BAZ1A: variants seen among roughly 807,000 people sequenced by gnomAD.
BAZ1A encodes the protein bromodomain adjacent to zinc finger domain protein 1A.
A neutral mutation model predicts 185.2 loss-of-function variants in BAZ1A; 50 were observed. The observed-to-expected ratio is 0.27, with a 90% CI of 0.22 to 0.34. BAZ1A has a LOEUF of 0.34. BAZ1A is among the 10% of genes least tolerant of loss of function. BAZ1A has a pLI of 1.00. For synonymous variants in BAZ1A, 571 were observed against 615.6 expected, an observed-to-expected ratio of 0.93 and a Z score of 1.07; for missense variants, 1,356 against 1,839.9, an observed-to-expected ratio of 0.74 and a Z score of 4.81.
rs145727016 is a variant in BAZ1A at position 34,847,309 on chromosome 14, A to T, written c.392+14735T>A. 5.5e-3 allele frequency among the ~76,000 whole-genome samples: 840 copies of T among 152,230 alleles called. 8 individuals are homozygous for T. The highest frequency in any genetic ancestry group is 0.019 in the African/African-American group (809 of 41,528). Reference sequence around the variant, plus strand: ...GAAAACAATGCTGAGATGTTGCTTAAGACTTTTTTGTCCTGGAACTAGCAA... The same window carrying T: ...GAAAACAATGCTGAGATGTTGCTTATGACTTTTTTGTCCTGGAACTAGCAA... On this transcript the variant is annotated intron_variant, in intron 3 of 26. Transcript: ENST00000360310.
At chr14:34,822,990 C>T (rs2042109758) in intron 4 of BAZ1A, among the ~76,000 whole-genome samples, 1 of 152,138 alleles carries the variant, frequency 6.6e-6, no homozygotes, top group Admixed American at 6.6e-5. Context: ...ATGCTGACCC[C>T]CAGAATCTAC....
chr14:34,856,405 T>A lies in BAZ1A; in HGVS notation c.392+5639A>T, dbSNP rs575137820. 4.8e-4 allele frequency among the ~76,000 whole-genome samples: 72 copies of A among 151,532 alleles called. 1 individual carries two copies. In the South Asian group the frequency reaches 0.014, roughly 30 times the overall value. On this transcript the variant is annotated intron_variant, in intron 3 of 26. Transcript: ENST00000360310. ...GGCTCGTGATCCTCCTGTTTCAGCC[T>A]CCTGAGTAGCTAGGACTACAGGCAC...
At chr14:34,782,841 A>G (rs986987888) in intron 16 of BAZ1A, among the ~76,000 whole-genome samples, 2 of 152,126 alleles carry the variant, frequency 1.3e-5, no homozygotes, top group Non-Finnish European at 2.9e-5. Context: ...TCCTCTCCCT[A>G]TATCATCTAC....
intron 6 of BAZ1A, among the ~76,000 whole-genome samples, chr14:34,806,001 C>G (rs926443489): frequency 5.9e-5 from 9 of 151,726 alleles, no homozygotes; most frequent in Admixed American, 1.3e-4. Context: ...TCAATCTCAT[C>G]CTTGGTATTT....
chr14:34,814,016 C>T (rs768148360), intron 4 of BAZ1A, among the ~76,000 whole-genome samples: 73 of 148,382 alleles, frequency 4.9e-4, no homozygotes, highest in Non-Finnish European at 9.2e-4. Flanking sequence ...GTACTCCAGC[C>T]TGGGCAACAG....
chr14:34,846,802 T>C (rs1427663099), intron 3 of BAZ1A, among the ~76,000 whole-genome samples: 1 of 152,148 alleles, frequency 6.6e-6, no homozygotes, highest in Non-Finnish European at 1.5e-5. Context: ...AAAAAGATAG[T>C]TCTACTCTAA....
chr14:34,874,471 C>A lies in BAZ1A; in HGVS notation c.113+21G>T. 6.2e-7 allele frequency: 1 copy of A among 1,605,684 alleles called. No homozygotes were observed. The highest frequency in any genetic ancestry group is 8.5e-7 in the Non-Finnish European group (1 of 1,173,508). ...GGAGTCCCCACACCCCCCGCGGCCC[C>A]GCACACGGCCCGGCTCTTACTCGTA... On this transcript the variant is annotated intron_variant, in intron 2 of 26. Coordinates refer to ENST00000360310, the MANE Select transcript of BAZ1A (RefSeq NM_013448.3). The surrounding 1 kb of genome is among the most constrained non-coding windows in gnomAD (Gnocchi z 4.7).
chr14:34,842,776 A>C (rs1378470264), intron 3 of BAZ1A, among the ~76,000 whole-genome samples: 1 of 152,146 alleles, frequency 6.6e-6, no homozygotes, highest in Non-Finnish European at 1.5e-5. Flanking sequence ...TGTGCTTGAA[A>C]ACATCATCAC....
intron 4 of BAZ1A, 26 bp downstream of exon 4, chr14:34,825,986 AT>A (rs2042160397): frequency 1.3e-6 from 2 of 1,505,362 alleles, no homozygotes; most frequent in Non-Finnish European, 1.8e-6. Flanking sequence ...CTGCCAAATA[AT>A]TTAAAAATTA....
chr14:34,844,981 ATTCAT>A (rs1205145306), intron 3 of BAZ1A, among the ~76,000 whole-genome samples: 1 of 152,140 alleles, frequency 6.6e-6, no homozygotes, highest in Non-Finnish European at 1.5e-5. Flanking sequence ...AGCCATATTC[ATTCAT>A]TTATCTATTA....
intron 25 of BAZ1A, 81 bp downstream of exon 25, chr14:34,758,623 G>A: frequency 7.4e-7 from 1 of 1,349,712 alleles, no homozygotes; most frequent in Admixed American, 2.1e-5. Context: ...TGAGTAACAG[G>A]TGTTTTGACT....
At chr14:34,865,397 A>C (rs1395152318) in intron 2 of BAZ1A, among the ~76,000 whole-genome samples, 1 of 152,038 alleles carries the variant, frequency 6.6e-6, no homozygotes, top group Non-Finnish European at 1.5e-5. Flanking sequence ...ATTATTCTTC[A>C]ATTTTTTCTC....
At chr14:34,862,621 A>G (rs530794536) in intron 2 of BAZ1A, among the ~76,000 whole-genome samples, 1 of 152,224 alleles carries the variant, frequency 6.6e-6, no homozygotes, top group East Asian at 1.9e-4. Flanking sequence ...AGCTAACAAG[A>G]AAAAAGCTAA....
intron 20 of BAZ1A, among the ~76,000 whole-genome samples, chr14:34,772,343 GGC>G (rs1481738703): frequency 7.9e-5 from 12 of 151,890 alleles, no homozygotes; most frequent in African/African-American, 2.9e-4. Flanking sequence ...TCAACTTTAG[GGC>G]TCAGCTTTGC....
At chr14:34,847,382 GA>G (rs927955227) in intron 3 of BAZ1A, among the ~76,000 whole-genome samples, 6 of 150,610 alleles carry the variant, frequency 4.0e-5, no homozygotes, top group South Asian at 2.1e-4. Context: ...GCAGGATTGA[GA>G]AAAAAAAAAG....
At chr14:34,777,586 G>A (rs560750505) in intron 17 of BAZ1A, among the ~76,000 whole-genome samples, 111 of 150,860 alleles carry the variant, frequency 7.4e-4, no homozygotes, top group Non-Finnish European at 1.3e-3. Context: ...GGAGGTTGCA[G>A]TGGGCCAAGA....
intron 16 of BAZ1A, among the ~76,000 whole-genome samples, chr14:34,781,401 T>C (rs550342834): frequency 1.9e-4 from 29 of 152,328 alleles, no homozygotes; most frequent in Admixed American, 1.1e-3. Flanking sequence ...TATCCATTAG[T>C]AGTCATTTCC....
At position 34,875,357 on chromosome 14, in the gene BAZ1A, G is replaced by T; in HGVS notation, c.-278C>A. Reference sequence around the variant, plus strand: ...AAGTTTCTGATCTACTTTCGGCTCTGAAGGAGGAAGAGCTGTTGGGAGGAG... The same window carrying T: ...AAGTTTCTGATCTACTTTCGGCTCTTAAGGAGGAAGAGCTGTTGGGAGGAG... On this transcript the variant is annotated 5_prime_UTR_variant, in exon 1 of 27. Transcript: ENST00000360310. The T allele has an allele frequency of 2.2e-6, 1 of 456,126 alleles. No individual in the cohort carries two copies. Among genetic ancestry groups the T allele is most frequent in the Non-Finnish European group, 4.4e-6 (1 of 226,812 alleles). 28.3% of individuals were successfully genotyped at this position (456,126 alleles called of 1,614,324 possible). A position where few individuals can be genotyped will look rare whatever the true frequency, so the allele number is the denominator to read the frequency against.
intron 4 of BAZ1A, among the ~76,000 whole-genome samples, chr14:34,825,699 G>T (rs2042156671): frequency 6.6e-6 from 1 of 151,606 alleles, no homozygotes; most frequent in Admixed American, 6.6e-5. Context: ...GCACTTTGAG[G>T]GGCCGAGGCA....
Sources: gnomAD v4.1 joint callset for allele counts (sites outside exome capture counted in the v4.1 genomes callset) on GRCh38, gnomAD v4.1.1 for gene constraint, Gnocchi (gnomAD v3.1) non-coding constraint, MANE v1.5 for transcripts, NCBI Gene and HGNC (gene_info 2026-07-23, HGNC 2026-07-21) for gene names.